Variants in EYS observed in about 807,000 individuals in gnomAD.
EYS encodes EGF-like photoreceptor maintenance factor, also known as protein eyes shut homolog.
EYS carries 250 observed loss-of-function variants against 282.1 expected under a neutral mutation model. That is an observed-to-expected ratio of 0.89 (90% CI 0.80 to 0.98). The LOEUF (loss-of-function observed/expected upper bound fraction) is 0.98, where lower values mean the gene tolerates loss of function less well. Among genes scored for constraint, EYS ranks in the 50% least tolerant of loss-of-function variants. EYS has a pLI of 0.00. For synonymous variants in EYS, 1,355 were observed against 1,282.9 expected (o/e 1.06, Z -1.20); for missense variants, 4,016 against 3,709.0 (o/e 1.08, Z -2.15).
chr6:65,137,606 C>T (rs1187260813), intron 12 of EYS, among the ~76,000 whole-genome samples: 1 of 151,950 alleles, frequency 6.6e-6, no homozygotes, highest in Admixed American at 6.6e-5. Flanking sequence ...AGCAGGAAGC[C>T]ACTAAATTAG....
At chr6:64,764,208 G>A (rs527975922) in intron 22 of EYS, among the ~76,000 whole-genome samples, 41 of 152,346 alleles carry the variant, frequency 2.7e-4, no homozygotes, top group African/African-American at 8.4e-4. Flanking sequence ...CCTAGTAGAT[G>A]TTCTCCCTGA....
At chr6:64,418,771 T>G (rs1774136511) in intron 28 of EYS, among the ~76,000 whole-genome samples, 2 of 145,778 alleles carry the variant, frequency 1.4e-5, no homozygotes, top group Admixed American at 1.4e-4. Flanking sequence ...GAGGGAAGGT[T>G]CTGTCCCATG....
intron 35 of EYS, among the ~76,000 whole-genome samples, chr6:63,956,672 GA>G (rs1294450216): frequency 2.0e-5 from 3 of 152,162 alleles, no homozygotes; most frequent in Non-Finnish European, 2.9e-5. Flanking sequence ...CATACATTAT[GA>G]AATTATTTAA....
chr6:63,840,725 G>A (rs1031630709), intron 36 of EYS, among the ~76,000 whole-genome samples: 1 of 152,118 alleles, frequency 6.6e-6, no homozygotes, highest in African/African-American at 2.4e-5. Context: ...TATGCTAAGA[G>A]AGAGGGGTCT....
intron 16 of EYS, among the ~76,000 whole-genome samples, chr6:64,909,891 C>T (rs1010074701): frequency 7.2e-5 from 11 of 152,110 alleles, no homozygotes; most frequent in Admixed American, 2.6e-4. Flanking sequence ...GCTGGTCCTT[C>T]AGAGTGAATT....
intron 2 of EYS, among the ~76,000 whole-genome samples, chr6:65,605,251 C>T (rs1244256702): frequency 6.6e-6 from 1 of 151,574 alleles, no homozygotes; most frequent in Admixed American, 6.6e-5. Context: ...ATTGCATTGA[C>T]ATGAATGGTA....
intron 15 of EYS, among the ~76,000 whole-genome samples, chr6:64,919,422 T>TC (rs1381988498): frequency 2.0e-5 from 3 of 149,018 alleles, no homozygotes; most frequent in East Asian, 1.9e-4. Context: ...TTTTTTTCTT[T>TC]TTTTTTTTTT....
chr6:64,293,896 G>A (rs1337843199), intron 30 of EYS, among the ~76,000 whole-genome samples: 1 of 152,082 alleles, frequency 6.6e-6, no homozygotes, highest in African/African-American at 2.4e-5. Flanking sequence ...AACTGATTTA[G>A]CTGTTCTTAA....
At chr6:64,288,814 A>C (rs1017517264) in intron 30 of EYS, among the ~76,000 whole-genome samples, 1 of 152,180 alleles carries the variant, frequency 6.6e-6, no homozygotes, top group Non-Finnish European at 1.5e-5. Context: ...GGAGTCATTC[A>C]TGCCTCCTTT....
chr6:64,295,470 A>G (rs868217603), intron 30 of EYS, among the ~76,000 whole-genome samples: 1,709 of 33,336 alleles, frequency 0.051, 1 homozygote, highest in East Asian at 0.061. Flanking sequence ...GAAGAAGAAG[A>G]AGAAGAAGAA....
chr6:63,928,845 G>A (rs1450113313), intron 35 of EYS, among the ~76,000 whole-genome samples: 1 of 152,122 alleles, frequency 6.6e-6, no homozygotes, highest in African/African-American at 2.4e-5. Context: ...CCACCTAGGG[G>A]GCCTGCACAT....
chr6:64,861,242 G>T (rs994590639), intron 19 of EYS, among the ~76,000 whole-genome samples: 3 of 152,178 alleles, frequency 2.0e-5, no homozygotes, highest in African/African-American at 7.2e-5. Context: ...GTCCAGAGGG[G>T]GCTGAGGCGG....
chr6:64,319,380 C>A (rs1163603444), intron 29 of EYS, among the ~76,000 whole-genome samples: 1 of 151,692 alleles, frequency 6.6e-6, no homozygotes, highest in Non-Finnish European at 1.5e-5. Context: ...TCTAGCAATA[C>A]CAATTGATTA....
chr6:65,172,044 T>C (rs1765116825), intron 12 of EYS, among the ~76,000 whole-genome samples: 1 of 151,450 alleles, frequency 6.6e-6, no homozygotes, highest in Non-Finnish European at 1.5e-5. Context: ...TTAGTTTAAC[T>C]TTGGCATAAA....
At chr6:65,394,256 T>C (rs781609998) in intron 7 of EYS, among the ~76,000 whole-genome samples, 19 of 151,834 alleles carry the variant, frequency 1.3e-4, no homozygotes, top group Non-Finnish European at 2.6e-4. Flanking sequence ...GTGTGCAAAA[T>C]GGCAGTATTA....
intron 12 of EYS, among the ~76,000 whole-genome samples, chr6:65,236,612 A>T (rs554600350): frequency 0.026 from 2,141 of 82,060 alleles, 28 homozygotes; most frequent in Non-Finnish European, 0.037. Flanking sequence ...TGTCTCAAAT[A>T]AAAAAAAAAT....
At chr6:64,558,114 T>C (rs1394464526) in intron 26 of EYS, among the ~76,000 whole-genome samples, 1 of 152,108 alleles carries the variant, frequency 6.6e-6, no homozygotes, top group Non-Finnish European at 1.5e-5. Context: ...ATTTAAGAGA[T>C]GCAACCCTGA....
chr6:64,454,976 T>A (rs1775505963), intron 26 of EYS, among the ~76,000 whole-genome samples: 1 of 152,220 alleles, frequency 6.6e-6, no homozygotes, highest in South Asian at 2.1e-4. Context: ...GTTGCCATTT[T>A]AAAATATTTT....
At chr6:63,733,467 G>A (rs1768831444) in intron 41 of EYS, among the ~76,000 whole-genome samples, 1 of 151,650 alleles carries the variant, frequency 6.6e-6, no homozygotes, top group African/African-American at 2.4e-5. Flanking sequence ...AGACCCCAGT[G>A]CCTATTGTTC....
Sources: gnomAD v4.1 joint callset for allele counts (sites outside exome capture counted in the v4.1 genomes callset) on GRCh38, gnomAD v4.1.1 for gene constraint, MANE v1.5 for transcripts, NCBI Gene and HGNC (gene_info 2026-07-23, HGNC 2026-07-21) for gene names.